The following PLCB4 variants were observed in gnomAD, a reference collection of about 807,000 sequenced individuals.
PLCB4 encodes 1-phosphatidylinositol 4,5-bisphosphate phosphodiesterase beta-4.
PLCB4 carries 77 observed loss-of-function variants against 178.8 expected under a neutral mutation model. That is an observed-to-expected ratio of 0.43 (90% CI 0.36 to 0.52). PLCB4 has a LOEUF of 0.52. PLCB4 is among the 20% of genes least tolerant of loss of function. The pLI, the probability that PLCB4 is intolerant of heterozygous loss-of-function variation, is 0.00. For synonymous variants in PLCB4, 496 were observed against 490.8 expected (o/e 1.01, Z -0.14); for missense variants, 1,024 against 1,453.4 (o/e 0.70, Z 4.80).
At chr20:9,458,683 G>A (rs1267691207) in intron 34 of PLCB4, among the ~76,000 whole-genome samples, 3 of 152,110 alleles carry the variant, frequency 2.0e-5, no homozygotes, top group Admixed American at 1.3e-4. Flanking sequence ...TCAGTCAGAG[G>A]GTAGCCACAG....
At position 9,186,429 on chromosome 20, in the gene PLCB4, A is replaced by AT. The variant is rs199618890; in HGVS notation, c.-78-30961_-78-30960insT. Among the ~76,000 whole-genome samples, 4 of 152,226 alleles carry AT rather than the reference A, an allele frequency of 2.6e-5. No homozygotes were observed. In the East Asian group the frequency reaches 7.7e-4, roughly 29 times the overall value. ...TAATTGGCACGAGGCTCTTTTCAGG[A>AT]AAGGGCCACTTTAACATCTATGGAA... On this transcript the variant is annotated intron_variant, in intron 2 of 39. Transcript: ENST00000378473.
chr20:9,400,036 G>T (rs1019129601), intron 19 of PLCB4, among the ~76,000 whole-genome samples: 3 of 152,186 alleles, frequency 2.0e-5, no homozygotes, highest in Admixed American at 6.5e-5. Flanking sequence ...ATTATTTTAA[G>T]ATGTATTCCA....
intron 13 of PLCB4, among the ~76,000 whole-genome samples, chr20:9,382,381 A>T (rs911091768): frequency 6.6e-6 from 1 of 152,178 alleles, no homozygotes; most frequent in African/African-American, 2.4e-5. Flanking sequence ...AAATCTAATC[A>T]TGTTATTCCA....
intron 3 of PLCB4, among the ~76,000 whole-genome samples, chr20:9,243,594 A>G (rs2094090965): frequency 6.6e-6 from 1 of 152,146 alleles, no homozygotes; most frequent in Admixed American, 6.6e-5. Context: ...TGAAGCTGCA[A>G]TTTTTTGCAT....
At chr20:9,289,714 G>A (rs1248986797) in intron 3 of PLCB4, among the ~76,000 whole-genome samples, 1 of 152,056 alleles carries the variant, frequency 6.6e-6, no homozygotes, top group African/African-American at 2.4e-5. Flanking sequence ...CTTTCGTCAT[G>A]AGAACCAAGG....
At chr20:9,203,053 AAAAATAT>A (rs1430423449) in intron 2 of PLCB4, among the ~76,000 whole-genome samples, 42 of 132,520 alleles carry the variant, frequency 3.2e-4, no homozygotes, top group African/African-American at 1.3e-4. Flanking sequence ...AAAAAAAAAA[AAAAATAT>A]ATATATATAT....
rs1461472081 is a variant in PLCB4, at chr20:9,457,438, A to G, written c.3021A>G (p.Lys1007=). Residue 1007 remains lysine (K), a synonymous_variant, in exon 34 of 40, where the codon AAA becomes AAG. Coordinates refer to ENST00000378473, the MANE Select transcript of PLCB4 (RefSeq NM_001377142.1). The stretch of plus-strand genomic sequence containing the variant: ...GGGGAAGTAATTGTCTCGAAATGAA[A>G]AAAGAAACAGAAATCAAAATTCAGA... ...KKGGSNCLEM[K]KETEIKIQTL... 6.4e-7 allele frequency: 1 copy of G among 1,563,742 alleles called. No homozygotes were observed. Among genetic ancestry groups the G allele is most frequent in the Non-Finnish European group, 8.8e-7 (1 of 1,134,346 alleles).
intron 2 of PLCB4, among the ~76,000 whole-genome samples, chr20:9,110,342 T>C (rs2091530300): frequency 6.6e-6 from 1 of 152,200 alleles, no homozygotes; most frequent in South Asian, 2.1e-4. Context: ...TTAAACATCT[T>C]TCAATGGACA....
chr20:9,382,999 T>A (rs1266907242), intron 13 of PLCB4, among the ~76,000 whole-genome samples: 1 of 152,216 alleles, frequency 6.6e-6, no homozygotes, highest in Non-Finnish European at 1.5e-5. Context: ...TTATGATATA[T>A]TCATATATGG....
At chr20:9,263,703 C>T (rs949030101) in intron 3 of PLCB4, among the ~76,000 whole-genome samples, 1 of 152,158 alleles carries the variant, frequency 6.6e-6, no homozygotes, top group Admixed American at 6.5e-5. Context: ...AGAGCTATCC[C>T]CTGCCCTCAC....
intron 7 of PLCB4, among the ~76,000 whole-genome samples, chr20:9,342,924 C>T (rs555305464): frequency 3.3e-5 from 5 of 152,230 alleles, no homozygotes; most frequent in Non-Finnish European, 4.4e-5. Context: ...TCCACAAGAT[C>T]GTGTCATTGG....
intron 2 of PLCB4, among the ~76,000 whole-genome samples, chr20:9,208,548 C>A (rs879821406): frequency 7.2e-6 from 1 of 138,300 alleles, no homozygotes; most frequent in Admixed American, 7.2e-5. Flanking sequence ...TTTTTTTTTT[C>A]TTTTTTTCTG....
At chr20:9,368,711 T>C (rs2035987902) in intron 9 of PLCB4, among the ~76,000 whole-genome samples, 1 of 151,274 alleles carries the variant, frequency 6.6e-6, no homozygotes, top group Non-Finnish European at 1.5e-5. Flanking sequence ...TTGCAGACCC[T>C]GTTTCAGCTA....
intron 4 of PLCB4, among the ~76,000 whole-genome samples, chr20:9,330,430 C>T (rs1200866724): frequency 6.6e-6 from 1 of 152,042 alleles, no homozygotes; most frequent in Non-Finnish European, 1.5e-5. Flanking sequence ...TGGAGTCTAC[C>T]TAGGCAGTGT....
At chr20:9,214,312 G>A (rs1373768576) in intron 2 of PLCB4, among the ~76,000 whole-genome samples, 1 of 152,116 alleles carries the variant, frequency 6.6e-6, no homozygotes, top group East Asian at 1.9e-4. Flanking sequence ...TGAGGTAGGA[G>A]CCTATCTTCA....
chr20:9,393,264 A>T (rs1008460481), intron 17 of PLCB4, among the ~76,000 whole-genome samples: 1 of 152,102 alleles, frequency 6.6e-6, no homozygotes, highest in East Asian at 1.9e-4. Context: ...TTTACCAGAT[A>T]CTTAAAAGGT....
At chr20:9,460,782 T>C (rs546203640) in intron 35 of PLCB4, among the ~76,000 whole-genome samples, 1 of 152,344 alleles carries the variant, frequency 6.6e-6, no homozygotes, top group Non-Finnish European at 1.5e-5. Flanking sequence ...TCTGGCTGCA[T>C]GCCCAAATTC....
chr20:9,143,895 G>C (rs1180021321), intron 2 of PLCB4, among the ~76,000 whole-genome samples: 1 of 152,092 alleles, frequency 6.6e-6, no homozygotes, highest in East Asian at 1.9e-4. Flanking sequence ...TTCTGCAAAA[G>C]GGATCTTAAT....
intron 4 of PLCB4, among the ~76,000 whole-genome samples, chr20:9,334,076 T>A (rs1432736110): frequency 7.4e-6 from 1 of 134,922 alleles, no homozygotes; most frequent in Non-Finnish European, 1.6e-5. Context: ...CAAGATTGAA[T>A]GAAATCTAGG....
Sources: gnomAD v4.1 joint callset for allele counts (sites outside exome capture counted in the v4.1 genomes callset) on GRCh38, gnomAD v4.1.1 for gene constraint, MANE v1.5 for transcripts, NCBI Gene and HGNC (gene_info 2026-07-23, HGNC 2026-07-21) for gene names.